Variants in SCLT1 observed in about 807,000 individuals in gnomAD.
SCLT1 encodes the protein sodium channel and clathrin linker 1.
SCLT1 carries 78 observed loss-of-function variants against 112.8 expected under a neutral mutation model. The ratio of observed to expected loss-of-function variants is 0.69; its 90% CI spans 0.58 to 0.83. SCLT1 has a LOEUF of 0.83. SCLT1 is among the 40% of genes least tolerant of loss of function. The pLI is 0.00. For synonymous variants in SCLT1, 257 were observed against 254.7 expected, an observed-to-expected ratio of 1.01 and a Z score of -0.09; for missense variants, 747 against 770.4, an observed-to-expected ratio of 0.97 and a Z score of 0.36.
intron 2 of SCLT1, among the ~76,000 whole-genome samples, chr4:129,058,335 AT>A (rs374247155): frequency 6.0e-5 from 9 of 150,786 alleles, no homozygotes; most frequent in East Asian, 1.9e-4. Context: ...AAGTCTTTCT[AT>A]TTTTTTTGAT....
At chr4:129,028,053 C>T (rs2126137357) in intron 5 of SCLT1, among the ~76,000 whole-genome samples, 1 of 152,264 alleles carries the variant, frequency 6.6e-6, no homozygotes, top group African/African-American at 2.4e-5. Context: ...AAGAACATTC[C>T]ATGCTCATGG....
At chr4:128,879,916 A>G (rs1340258302), downstream of SCLT1, among the ~76,000 whole-genome samples, 2 of 152,216 alleles carry the variant, frequency 1.3e-5, no homozygotes, top group African/African-American at 4.8e-5. Flanking sequence ...ATTCACTGAA[A>G]AAAGGACTGT....
At chr4:128,945,931 GAA>G (rs930612259) in intron 16 of SCLT1, 74 bp downstream of exon 16, 1 of 958,150 alleles carries the variant, frequency 1.0e-6, no homozygotes, top group African/African-American at 1.7e-5. Context: ...CCAAAAAAAA[GAA>G]AAGGTAGCGA....
chr4:128,962,243 T>C (rs558090560), intron 11 of SCLT1, among the ~76,000 whole-genome samples: 24 of 152,336 alleles, frequency 1.6e-4, no homozygotes, highest in Admixed American at 2.6e-4. Context: ...AAGAAACAAC[T>C]TTGAAAACAA....
intron 2 of SCLT1, among the ~76,000 whole-genome samples, chr4:129,048,046 T>A (rs80342278): frequency 0.013 from 1,998 of 152,242 alleles, 60 homozygotes; most frequent in African/African-American, 0.046. Flanking sequence ...GTCTTCTCCA[T>A]AAAACCTTTA....
intron 1 of SCLT1, among the ~76,000 whole-genome samples, chr4:129,085,536 T>C (rs1361252852): frequency 1.3e-5 from 2 of 152,094 alleles, no homozygotes; most frequent in Non-Finnish European, 1.5e-5. Context: ...GGAATATAAA[T>C]CATTCTACCA....
At chr4:128,993,653 C>G (rs912313321) in intron 8 of SCLT1, among the ~76,000 whole-genome samples, 1 of 152,070 alleles carries the variant, frequency 6.6e-6, no homozygotes, top group Non-Finnish European at 1.5e-5. Context: ...TTAGGAGACT[C>G]GAGAAGGTGC....
chr4:129,078,359 G>A (rs1035238846), intron 2 of SCLT1, among the ~76,000 whole-genome samples: 2 of 152,018 alleles, frequency 1.3e-5, no homozygotes, highest in Non-Finnish European at 2.9e-5. Flanking sequence ...ATGCATTACC[G>A]TGGCCAGAGT....
chr4:129,017,782 T>C (rs1178986491), intron 5 of SCLT1, among the ~76,000 whole-genome samples: 3 of 152,188 alleles, frequency 2.0e-5, no homozygotes, highest in Non-Finnish European at 4.4e-5. Flanking sequence ...AGGCAAACAG[T>C]GTTATCTGTA....
At chr4:129,025,220 G>A (rs563620674) in intron 5 of SCLT1, among the ~76,000 whole-genome samples, 1 of 152,288 alleles carries the variant, frequency 6.6e-6, no homozygotes, top group South Asian at 2.1e-4. Flanking sequence ...AACTCCTTGA[G>A]AAGAGCAACT....
intron 14 of SCLT1, among the ~76,000 whole-genome samples, chr4:128,949,254 G>A (rs1738480702): frequency 7.0e-6 from 1 of 143,766 alleles, no homozygotes; most frequent in African/African-American, 2.6e-5. Context: ...AGGTGCACAT[G>A]TGTATGTTAA....
intron 16 of SCLT1, among the ~76,000 whole-genome samples, chr4:128,943,568 C>A (rs911582073): frequency 5.3e-5 from 8 of 152,152 alleles, no homozygotes; most frequent in Non-Finnish European, 8.8e-5. Context: ...AATCAATAAA[C>A]TCCATGGACT....
intron 2 of SCLT1, among the ~76,000 whole-genome samples, chr4:129,052,691 A>T (rs936173878): frequency 3.9e-5 from 6 of 152,016 alleles, no homozygotes; most frequent in African/African-American, 1.5e-4. Context: ...TCCTAGACTT[A>T]TTAATTTTTT....
chr4:129,076,688 GA>G (rs142960307), intron 2 of SCLT1, among the ~76,000 whole-genome samples: 40,879 of 151,276 alleles, frequency 0.27, 5,904 homozygotes, highest in South Asian at 0.35. Context: ...AAGTATTCAA[GA>G]AAAAAAATGG....
At chr4:128,899,247 C>T (rs370243520) in intron 18 of SCLT1, among the ~76,000 whole-genome samples, 2,273 of 152,192 alleles carry the variant, frequency 0.015, 54 homozygotes, top group African/African-American at 0.051. Context: ...ACCAATATCC[C>T]TGATGAACAT....
chr4:129,071,201 G>A (rs1416016546), intron 2 of SCLT1, among the ~76,000 whole-genome samples: 1 of 152,042 alleles, frequency 6.6e-6, no homozygotes, highest in Non-Finnish European at 1.5e-5. Flanking sequence ...TCTATTGTAT[G>A]GTCCATCTTG....
At chr4:128,973,978 T>C (rs186173898) in intron 9 of SCLT1, among the ~76,000 whole-genome samples, 46 of 152,306 alleles carry the variant, frequency 3.0e-4, no homozygotes, top group African/African-American at 1.1e-3. Context: ...TAGAACTGAC[T>C]CTACCAACAC....
At chr4:128,902,456 G>A (rs1734392721) in intron 18 of SCLT1, among the ~76,000 whole-genome samples, 1 of 152,176 alleles carries the variant, frequency 6.6e-6, no homozygotes, top group African/African-American at 2.4e-5. Flanking sequence ...GCATGTTACT[G>A]TAGTGAAGAC....
chr4:129,009,405 T>C (rs1744320452), intron 5 of SCLT1, among the ~76,000 whole-genome samples: 1 of 151,894 alleles, frequency 6.6e-6, no homozygotes, highest in African/African-American at 2.4e-5. Context: ...TCCCAGCTAC[T>C]TGGGAGGCTG....
Sources: allele counts gnomAD v4.1 joint callset (sites outside exome capture counted in the v4.1 genomes callset), GRCh38; gene constraint gnomAD v4.1.1; transcripts MANE v1.5; gene names NCBI Gene and HGNC (gene_info 2026-07-23, HGNC 2026-07-21).